RPS6KA3: variants seen among roughly 807,000 people sequenced by gnomAD.
RPS6KA3 encodes ribosomal protein S6 kinase A3.
RPS6KA3 carries 4 observed loss-of-function variants against 67.2 expected under a neutral mutation model. The ratio of observed to expected loss-of-function variants is 0.06; its 90% CI spans 0.03 to 0.14. RPS6KA3 has a LOEUF of 0.14. Among genes scored for constraint, RPS6KA3 ranks in the 10% least tolerant of loss-of-function variants. The pLI is 1.00. For synonymous variants in RPS6KA3, 182 were observed against 183.7 expected, an observed-to-expected ratio of 0.99 and a Z score of 0.07; for missense variants, 204 against 559.0, an observed-to-expected ratio of 0.36 and a Z score of 6.40.
intron 4 of RPS6KA3, among the ~76,000 whole-genome samples, chrX:20,199,958 C>T (rs1430116229): frequency 8.9e-6 from 1 of 112,107 alleles, no homozygotes; most frequent in Non-Finnish European, 1.9e-5. Flanking sequence ...AAAGCCATTT[C>T]CAGACATGGA....
chrX:20,167,180 A>C (rs747180466), intron 17 of RPS6KA3, among the ~76,000 whole-genome samples: 1 of 112,107 alleles, frequency 8.9e-6, no homozygotes, highest in African/African-American at 3.2e-5. Context: ...AGAAGAACGA[A>C]GAGCATATCC....
At chrX:20,180,021 T>C (rs2067802792) in intron 10 of RPS6KA3, among the ~76,000 whole-genome samples, 1 of 110,566 alleles carries the variant, frequency 9.0e-6, no homozygotes, top group African/African-American at 3.3e-5. Context: ...CCCAGGAGTT[T>C]GATGTTGCAG....
At chrX:20,212,549 T>C (rs2068743206) in intron 2 of RPS6KA3, among the ~76,000 whole-genome samples, 1 of 110,528 alleles carries the variant, frequency 9.0e-6, no homozygotes, top group South Asian at 3.9e-4. Context: ...CTGGGCAATA[T>C]AGTGAGACTT....
intron 1 of RPS6KA3, among the ~76,000 whole-genome samples, chrX:20,242,767 T>C (rs1198266074): frequency 8.9e-6 from 1 of 111,817 alleles, no homozygotes; most frequent in Non-Finnish European, 1.9e-5. Flanking sequence ...AAGGTCCTTA[T>C]GAATTTTAAA....
chrX:20,163,971 GATCTC>G (rs1247170300), intron 18 of RPS6KA3, among the ~76,000 whole-genome samples: 3 of 111,208 alleles, frequency 2.7e-5, no homozygotes, highest in Non-Finnish European at 5.7e-5. Flanking sequence ...ATCTGGCCAA[GATCTC>G]ATCTTTAAAA....
intron 4 of RPS6KA3, among the ~76,000 whole-genome samples, chrX:20,195,648 A>C (rs1434036730): frequency 8.9e-6 from 1 of 112,329 alleles, no homozygotes; most frequent in Non-Finnish European, 1.9e-5. Flanking sequence ...AGGAAGCAAG[A>C]GGGAGAGAGA....
chrX:20,215,066 A>G (rs1170499639), intron 2 of RPS6KA3, among the ~76,000 whole-genome samples: 1 of 110,771 alleles, frequency 9.0e-6, no homozygotes, highest in Non-Finnish European at 1.9e-5. Flanking sequence ...TTGGCCTCCC[A>G]AAGTGCTGGG....
At chrX:20,236,337 C>G (rs929574905) in intron 1 of RPS6KA3, among the ~76,000 whole-genome samples, 11 of 111,790 alleles carry the variant, frequency 9.8e-5, no homozygotes, top group Non-Finnish European at 1.5e-4. Flanking sequence ...CATTCCCTTA[C>G]TGGAAAAAGG....
chrX:20,179,523 T>C (rs918401583), intron 10 of RPS6KA3, among the ~76,000 whole-genome samples: 3 of 111,189 alleles, frequency 2.7e-5, no homozygotes, highest in Non-Finnish European at 5.7e-5. Context: ...TGACTGCAAT[T>C]GGCTGAATCA....
rs866705729 is a variant in RPS6KA3 at position 20,151,782 on chromosome X, C to T, written c.*3616G>A. 1 of 112,084 alleles carries T rather than the reference C, an allele frequency of 8.9e-6. No homozygotes were observed. The highest frequency in any genetic ancestry group is 1.9e-5 in the Non-Finnish European group (1 of 53,254). 9.2% of individuals were successfully genotyped at this position (112,084 alleles called of 1,213,427 possible). On this transcript the variant is annotated 3_prime_UTR_variant, in exon 22 of 22. Coordinates refer to ENST00000379565, the MANE Select transcript of RPS6KA3 (RefSeq NM_004586.3). ...CCATGCTGAGATGGGTATTGCTGGC[C>T]TCCATGGTGATTAAGCGCATCCATA... is the stretch of plus-strand genomic sequence containing the variant.
chrX:20,193,420 T>C (rs2068193426), intron 7 of RPS6KA3, 67 bp downstream of exon 7: 3 of 672,114 alleles, frequency 4.5e-6, no homozygotes, highest in Non-Finnish European at 4.8e-6. Context: ...ATGAAGCCAC[T>C]TGATTTTTTA....
intron 2 of RPS6KA3, among the ~76,000 whole-genome samples, chrX:20,227,685 CTTT>C (rs371618128): frequency 9.5e-6 from 1 of 105,481 alleles, no homozygotes; most frequent in African/African-American, 3.4e-5. Flanking sequence ...TGGAAAATTG[CTTT>C]TTTTTTTAAA....
chrX:20,266,660 G>T lies in RPS6KA3; in HGVS notation c.-28C>A. ...TCCCCCCCGGCCCGCCGCCTTCACCGCCTCCTCCCTCCCCGCCCGCCCCAC... is the reference window on the plus strand; with the variant it reads ...TCCCCCCCGGCCCGCCGCCTTCACCTCCTCCTCCCTCCCCGCCCGCCCCAC... On this transcript the variant is annotated 5_prime_UTR_variant, in exon 1 of 22. Transcript: ENST00000379565. The T allele has an allele frequency of 9.2e-7, 1 of 1,087,464 alleles. No homozygotes were observed. Among genetic ancestry groups the T allele is most frequent in the Non-Finnish European group, 1.2e-6 (1 of 826,483 alleles). 89.6% of individuals were successfully genotyped at this position (1,087,464 alleles called of 1,213,427 possible).
chrX:20,163,813 C>G (rs886143399), intron 18 of RPS6KA3, among the ~76,000 whole-genome samples: 1 of 111,312 alleles, frequency 9.0e-6, no homozygotes, highest in Middle Eastern at 4.7e-3. Flanking sequence ...GGATTACAGG[C>G]ATGTGCCATC....
intron 10 of RPS6KA3, 28 bp downstream of exon 10, chrX:20,186,268 A>AG: frequency 1.0e-6 from 1 of 999,786 alleles, no homozygotes; most frequent in Non-Finnish European, 1.4e-6. Context: ...AAATCTCATC[A>AG]AAACATCTAT....
chrX:20,177,706 A>G (rs1233504278), intron 10 of RPS6KA3, among the ~76,000 whole-genome samples: 1 of 112,284 alleles, frequency 8.9e-6, no homozygotes, highest in Non-Finnish European at 1.9e-5. Flanking sequence ...ATTGGTCTCT[A>G]GACCAATAGC....
chrX:20,155,536 A>C lies in RPS6KA3; in HGVS notation c.2101-16T>G, dbSNP rs1156251937. On this transcript the variant is annotated splice_polypyrimidine_tract_variant and intron_variant, in intron 21 of 21. Coordinates refer to ENST00000379565, the MANE Select transcript of RPS6KA3 (RefSeq NM_004586.3). Reference sequence around the variant, plus strand: ...CCATGGCACCCTGAACAAAGGAAATAAAGGTAGTAACAAAAGTGACAATGG... The same window carrying C: ...CCATGGCACCCTGAACAAAGGAAATCAAGGTAGTAACAAAAGTGACAATGG... 1 of 1,207,821 alleles carries C rather than the reference A, an allele frequency of 8.3e-7. No individual in the cohort carries two copies. The highest frequency in any genetic ancestry group is 1.1e-6 in the Non-Finnish European group (1 of 893,106).
chrX:20,173,154 TTGTC>T (rs2067613291), intron 14 of RPS6KA3, among the ~76,000 whole-genome samples: 1 of 111,929 alleles, frequency 8.9e-6, no homozygotes, highest in African/African-American at 3.2e-5. Context: ...GCCTACATCT[TTGTC>T]TGTGATTCAG....
rs55829524 is a variant in RPS6KA3 at position 20,161,795 on chromosome X, A to G, written c.1842-34T>C. ...TAATAAAATTAAAATATTAATGAAT[A>G]AAATTTATTACTTGGTTGGTAATCT... is the stretch of plus-strand genomic sequence containing the variant. On this transcript the variant is annotated intron_variant, in intron 19 of 21. Coordinates refer to ENST00000379565, the MANE Select transcript of RPS6KA3 (RefSeq NM_004586.3). 1,154 of 520,500 alleles carry G rather than the reference A, an allele frequency of 2.2e-3. 1 individual carries two copies. Among genetic ancestry groups the G allele is most frequent in the Non-Finnish European group, 2.9e-3 (1,034 of 361,464 alleles). The allele number at this position is 520,500 out of a possible 1,213,427, so 42.9% of individuals were successfully genotyped here.
Sources: allele counts gnomAD v4.1 joint callset (sites outside exome capture counted in the v4.1 genomes callset), GRCh38; gene constraint gnomAD v4.1.1; transcripts MANE v1.5; gene names NCBI Gene and HGNC (gene_info 2026-07-23, HGNC 2026-07-21).